CELSR2: variants seen among roughly 807,000 people sequenced by gnomAD.
CELSR2 encodes the protein EGF-like protein 2.
In CELSR2, 81 loss-of-function variants were observed where a neutral mutation model predicts 251.6. The ratio of observed to expected loss-of-function variants is 0.32; its 90% CI spans 0.27 to 0.39. CELSR2 has a LOEUF of 0.39. Among genes scored for constraint, CELSR2 ranks in the 10% least tolerant of loss-of-function variants. The pLI, the probability that CELSR2 is intolerant of heterozygous loss-of-function variation, is 1.00. For synonymous variants in CELSR2, 1,721 were observed against 1,670.5 expected, an observed-to-expected ratio of 1.03 and a Z score of -0.74; for missense variants, 3,365 against 3,947.7, an observed-to-expected ratio of 0.85 and a Z score of 3.96.
intron 1 of CELSR2, among the ~76,000 whole-genome samples, chr1:109,254,503 G>T (rs1307794326): frequency 6.6e-6 from 1 of 152,182 alleles, no homozygotes; most frequent in Admixed American, 6.5e-5. Flanking sequence ...CACCCAAGTT[G>T]CTGAGTGCCT....
rs372748402 is a variant in CELSR2, at chr1:109,269,913, C to T, written c.7108-20C>T. On this transcript the variant is annotated intron_variant, in intron 22 of 33. Coordinates refer to ENST00000271332, the MANE Select transcript of CELSR2 (RefSeq NM_001408.3). This position sits in a 1 kb window ranked among gnomAD's most constrained non-coding sequence, Gnocchi z 6.4. ...TCCTGCCCTTCCTAATTCCCTGGCC[C>T]CCTGCCACCTACTCTGCAGAATGGG... The T allele has an allele frequency of 8.2e-5, 133 of 1,614,112 alleles. No homozygotes were observed. The Middle Eastern group carries it at 9.9e-4, about 12-fold the overall frequency.
chr1:109,265,758 C>A lies in CELSR2; in HGVS notation c.5751C>A (p.Gly1917=), dbSNP rs1222433046. The change falls in exon 14 of 34, where the codon GGC becomes GGA. Residue 1917 remains glycine, a synonymous_variant. Coordinates refer to ENST00000271332, the MANE Select transcript of CELSR2 (RefSeq NM_001408.3). The part of the protein sequence containing the change: ...HCKENHYRPP[G]SPTCLLCDCY... ...AGGAGAACCACTACCGGCCCCCAGG[C>A]AGCCCCACCTGCCTCTTGTGTGACT... 36 of 1,612,040 alleles carry A rather than the reference C, an allele frequency of 2.2e-5. No individual in the cohort carries two copies. The highest frequency in any genetic ancestry group is 2.8e-5 in the Non-Finnish European group (33 of 1,178,480).
chr1:109,262,318 G>A lies in CELSR2; in HGVS notation c.4418G>A (p.Gly1473Asp). 6.2e-7 allele frequency: 1 copy of A among 1,614,148 alleles called. No homozygotes were observed. The highest frequency in any genetic ancestry group is 8.5e-7 in the Non-Finnish European group (1 of 1,180,034). Residue 1473 changes from glycine to aspartate, a missense_variant, in exon 6 of 34, where the codon GGC becomes GAC. Transcript: ENST00000271332. ...TTGGGTCAGACAGGGCTCCCACAGG[G>A]CCCATCAGAGCAGAAGGTGGCTGTG... ...PLLGQTGLPQ[G>D]PSEQKVAVVT...
At position 109,273,498 on chromosome 1, in the gene CELSR2, C is replaced by G. The variant is rs760782123; in HGVS notation, c.8572C>G (p.Leu2858Val). 1 of 1,611,162 alleles carries G rather than the reference C, an allele frequency of 6.2e-7. No homozygotes were observed. Among genetic ancestry groups the G allele is most frequent in the Non-Finnish European group, 8.5e-7 (1 of 1,179,024 alleles). The change falls in exon 33 of 34, where the codon CTG becomes GTG. Residue 2858 changes from leucine (L) to valine (V), a missense_variant. Transcript: ENST00000271332. ...GAAGAGCAGCCTCCTGCGGCTCCCCCTGGAGCAATGCACAGGGTCTTCCCG... is the reference window on the plus strand; with the variant it reads ...GAAGAGCAGCCTCCTGCGGCTCCCCGTGGAGCAATGCACAGGGTCTTCCCG... Reference protein sequence around the residue: ...SEKSSLLRLPLEQCTGSSRGS... With the variant: ...SEKSSLLRLPVEQCTGSSRGS...
chr1:109,258,152 C>G (rs1655911252), intron 1 of CELSR2, among the ~76,000 whole-genome samples: 1 of 152,116 alleles, frequency 6.6e-6, no homozygotes, highest in African/African-American at 2.4e-5. Context: ...AGCACAGACT[C>G]TGGGGGAAGG....
chr1:109,258,715 C>T lies in CELSR2; in HGVS notation c.3594C>T (p.Pro1198=), dbSNP rs556593359. ...GQPPGPGGGP[P]FLPSEDLQER... is the part of the protein sequence containing the mutation. ...CGCCAGGGCCCGGGGGCGGGCCGCCCTTCCTGCCCTCTGAGGACCTGCAGG... is the reference window on the plus strand; with the variant it reads ...CGCCAGGGCCCGGGGGCGGGCCGCCTTTCCTGCCCTCTGAGGACCTGCAGG... Residue 1198 remains proline (P), a synonymous_variant, in exon 2 of 34, where the codon CCC becomes CCT. Transcript: ENST00000271332. The T allele has an allele frequency of 5.9e-5, 91 of 1,555,334 alleles. No homozygotes were observed. The South Asian group carries it at 8.6e-4, about 15-fold the overall frequency.
chr1:109,268,853 C>T (rs746629255), intron 18 of CELSR2, 27 bp from the exon 19 acceptor site: 3 of 1,590,594 alleles, frequency 1.9e-6, no homozygotes, highest in Non-Finnish European at 2.6e-6. Flanking sequence ...CCTCACAGGT[C>T]CGATCTGTGA....
At position 109,264,435 on chromosome 1, in the gene CELSR2, C is replaced by G. The variant is rs1353471316; in HGVS notation, c.5290-19C>G. 6.2e-7 allele frequency: 1 copy of G among 1,606,226 alleles called. No individual in the cohort carries two copies. Among genetic ancestry groups the G allele is most frequent in the Non-Finnish European group, 8.5e-7 (1 of 1,173,814 alleles). On this transcript the variant is annotated intron_variant, in intron 10 of 33. Coordinates refer to ENST00000271332, the MANE Select transcript of CELSR2 (RefSeq NM_001408.3). ...CAGCCCCGCTCCACTGAGGGCAACA[C>G]TGCTCCTGTCCCTCCCAGGGTGTGC...
At position 109,261,220 on chromosome 1, in the gene CELSR2, C is replaced by A; in HGVS notation, c.4137C>A (p.Thr1379=). Residue 1379 remains threonine, a synonymous_variant, in exon 3 of 34, where the codon ACC becomes ACA. Transcript: ENST00000271332. The surrounding 1 kb of genome is among the most constrained non-coding windows in gnomAD (Gnocchi z 4.8). ...TRSFPAHSFI[T]FRGLRQRFHF... ...GCTTCCCCGCCCACTCCTTCATCAC[C>A]TTTCGCGGCCTGCGCCAGCGTTTCC... is the stretch of plus-strand genomic sequence containing the variant. 2 of 1,613,978 alleles carry A rather than the reference C, an allele frequency of 1.2e-6. No homozygotes were observed. Among genetic ancestry groups the A allele is most frequent in the Admixed American group, 3.3e-5 (2 of 60,032 alleles).
Position 109,259,050 on chromosome 1 carries a change from A to G in CELSR2, c.3929A>G (p.Tyr1310Cys), listed in dbSNP as rs755182710. The change falls in exon 2 of 34, where the codon TAC becomes TGC. Residue 1310 changes from tyrosine to cysteine, a missense_variant. Physicochemically the swap from Tyr to Cys is radical, Grantham distance 194. Coordinates refer to ENST00000271332, the MANE Select transcript of CELSR2 (RefSeq NM_001408.3). ...CGCTGCCGCAGCCGCGAGGGCGGCT[A>G]CACCTGCCTCTGTCGTGATGGCTAC... ...HGRCRSREGG[Y>C]TCLCRDGYTG... 6.3e-7 allele frequency: 1 copy of G among 1,592,534 alleles called. No homozygotes were observed. Among genetic ancestry groups the G allele is most frequent in the East Asian group, 2.2e-5 (1 of 44,500 alleles).
In CELSR2 at chr1:109,275,019, A is replaced by C. The variant is rs1656489852; in HGVS notation, c.*970A>C. On this transcript the variant is annotated 3_prime_UTR_variant, in exon 34 of 34. Coordinates refer to ENST00000271332, the MANE Select transcript of CELSR2 (RefSeq NM_001408.3). ...TCTGGGTTCTGGTGTCCACTCACCC[A>C]CCCCACCCCCCAAAATCAGACAAAT... is the stretch of plus-strand genomic sequence containing the variant. The C allele has an allele frequency of 6.6e-6, 1 of 151,762 alleles. No individual in the cohort carries two copies. Among genetic ancestry groups the C allele is most frequent in the African/African-American group, 2.4e-5 (1 of 41,118 alleles). 9.4% of individuals were successfully genotyped at this position (151,762 alleles called of 1,614,324 possible). A position where few individuals can be genotyped will look rare whatever the true frequency, so the allele number is the denominator to read the frequency against.
In CELSR2 at chr1:109,250,673, C is replaced by A. The variant is rs1655661025; in HGVS notation, c.594C>A (p.Thr198=). 3 of 1,614,116 alleles carry A rather than the reference C, an allele frequency of 1.9e-6. No homozygotes were observed. The highest frequency in any genetic ancestry group is 2.5e-6 in the Non-Finnish European group (3 of 1,180,032). Residue 198 remains threonine (T), a synonymous_variant, in exon 1 of 34, where the codon ACC becomes ACA. Coordinates refer to ENST00000271332, the MANE Select transcript of CELSR2 (RefSeq NM_001408.3). The surrounding 1 kb of genome is among the most constrained non-coding windows in gnomAD (Gnocchi z 4.4). Reference sequence around the variant, plus strand: ...TGCCGGAGAACCAGCCAGCAGGCACCCCTGTTGCATCCCTGAGGGCCATCG... The same window carrying A: ...TGCCGGAGAACCAGCCAGCAGGCACACCTGTTGCATCCCTGAGGGCCATCG... The part of the protein sequence containing the change: ...ATVPENQPAG[T]PVASLRAIDP...
At position 109,265,791 on chromosome 1, in the gene CELSR2, C is replaced by A. The variant is rs1231430934; in HGVS notation, c.5784C>A (p.Pro1928=). 6.8e-6 allele frequency: 11 copies of A among 1,613,952 alleles called. No individual in the cohort carries two copies. The highest frequency in any genetic ancestry group is 9.3e-6 in the Non-Finnish European group (11 of 1,179,978). The change falls in exon 14 of 34, where the codon CCC becomes CCA. Residue 1928 remains proline (P), a synonymous_variant. Coordinates refer to ENST00000271332, the MANE Select transcript of CELSR2 (RefSeq NM_001408.3). ...SPTCLLCDCY[P]TGSLSRVCDP... Reference sequence around the variant, plus strand: ...CCTGCCTCTTGTGTGACTGCTACCCCACAGGCTCCTTGTCCAGAGTCTGTG... The same window carrying A: ...CCTGCCTCTTGTGTGACTGCTACCCAACAGGCTCCTTGTCCAGAGTCTGTG...
In CELSR2 at chr1:109,261,771, T is replaced by C; in HGVS notation, c.4298-37T>C. The C allele has an allele frequency of 6.4e-7, 1 of 1,569,110 alleles. No individual in the cohort carries two copies. The highest frequency in any genetic ancestry group is 8.7e-7 in the Non-Finnish European group (1 of 1,152,508). ...CCCCAAACCCTGCCATTCCTAGCCC[T>C]CGTCAGGCATTCCAGCTCACCTGGT... On this transcript the variant is annotated intron_variant, in intron 4 of 33. Coordinates refer to ENST00000271332, the MANE Select transcript of CELSR2 (RefSeq NM_001408.3). This position sits in a 1 kb window ranked among gnomAD's most constrained non-coding sequence, Gnocchi z 4.8.
In CELSR2 at chr1:109,261,841, C is replaced by T; in HGVS notation, c.4331C>T (p.Pro1444Leu). ...ESTTTVSPFV[P>L]GGVSDGQWHT... Reference sequence around the variant, plus strand: ...ACCACCACGGTGTCCCCATTCGTGCCCGGAGGAGTCAGTGATGGCCAGTGG... The same window carrying T: ...ACCACCACGGTGTCCCCATTCGTGCTCGGAGGAGTCAGTGATGGCCAGTGG... The change falls in exon 5 of 34, where the codon CCC (proline) becomes CTC (leucine). Residue 1444 changes from proline to leucine, a missense_variant. Physicochemically the swap from Pro to Leu is moderately conservative, Grantham distance 98 (BLOSUM62 -3). This residue lies in a region of CELSR2 where 2,093 missense variants were observed against 2,382.8 expected (regional missense o/e 0.88). Coordinates refer to ENST00000271332, the MANE Select transcript of CELSR2 (RefSeq NM_001408.3). This position sits in a 1 kb window ranked among gnomAD's most constrained non-coding sequence, Gnocchi z 4.8. 1 of 1,594,990 alleles carries T rather than the reference C, an allele frequency of 6.3e-7. No homozygotes were observed. Among genetic ancestry groups the T allele is most frequent in the Non-Finnish European group, 8.6e-7 (1 of 1,169,232 alleles).
At chr1:109,266,249 C>T in intron 15 of CELSR2, 43 bp downstream of exon 15, 1 of 1,604,830 alleles carries the variant, frequency 6.2e-7, no homozygotes, top group South Asian at 1.1e-5. Context: ...GACATGGCCT[C>T]TGCTGTTAGT....
In CELSR2 at chr1:109,270,499, C is replaced by G. The variant is rs756682979; in HGVS notation, c.7382C>G (p.Ala2461Gly). 6.2e-7 allele frequency: 1 copy of G among 1,614,216 alleles called. No homozygotes were observed. The highest frequency in any genetic ancestry group is 8.5e-7 in the Non-Finnish European group (1 of 1,180,036). ...LCTFSWALLE[A>G]LHLYRALTEV... ...ACCTTTTCCTGGGCTCTGCTGGAGG[C>G]CTTGCACCTGTACCGGGCACTCACT... The change falls in exon 24 of 34, where the codon GCC becomes GGC. Residue 2461 changes from alanine to glycine, a missense_variant. By Grantham distance (60) the Ala-to-Gly change is moderately conservative. This residue lies in a region of CELSR2 where 2,093 missense variants were observed against 2,382.8 expected (regional missense o/e 0.88). Transcript: ENST00000271332.
chr1:109,272,574 G>C, intron 29 of CELSR2, 66 bp from the exon 30 acceptor site: 1 of 1,521,316 alleles, frequency 6.6e-7, no homozygotes, highest in Admixed American at 1.7e-5. Context: ...TCCCAGGGGA[G>C]AGGAGAGACT....
At position 109,258,650 on chromosome 1, in the gene CELSR2, G is replaced by A. The variant is rs751190587; in HGVS notation, c.3529G>A (p.Gly1177Arg). 5 of 1,549,768 alleles carry A rather than the reference G, an allele frequency of 3.2e-6. No individual in the cohort carries two copies. The Admixed American group carries it at 5.9e-5, about 18-fold the overall frequency. The change falls in exon 2 of 34, where the codon GGG becomes AGG. Residue 1177 changes from glycine to arginine, a missense_variant. By Grantham distance (125) the Gly-to-Arg change is moderately radical. This residue lies in a region of CELSR2 where 2,093 missense variants were observed against 2,382.8 expected (regional missense o/e 0.88). Transcript: ENST00000271332. ...CGTACAGCGGGACACCGACGCCCCCGGGGGCCACATCCTCAACGTGAGCCT... is the reference window on the plus strand; with the variant it reads ...CGTACAGCGGGACACCGACGCCCCCAGGGGCCACATCCTCAACGTGAGCCT... ...FNVQRDTDAP[G>R]GHILNVSLSV...
Sources: allele counts gnomAD v4.1 joint callset (sites outside exome capture counted in the v4.1 genomes callset), GRCh38; gene constraint gnomAD v4.1.1; regional missense constraint gnomAD v4.1.1; non-coding constraint Gnocchi (gnomAD v3.1); transcripts MANE v1.5; gene names NCBI Gene and HGNC (gene_info 2026-07-23, HGNC 2026-07-21).